Variants in ASPHD2 observed in about 807,000 individuals in gnomAD.
The protein encoded by ASPHD2 is aspartate beta-hydroxylase domain-containing protein 2.
Under a neutral mutation model 34.6 loss-of-function variants are expected in ASPHD2, and 12 were observed. That is an observed-to-expected ratio of 0.35 (90% CI 0.22 to 0.56). The LOEUF is 0.56. Among genes scored for constraint, ASPHD2 ranks in the 20% least tolerant of loss-of-function variants. The pLI is 0.87. For missense variants in ASPHD2, 375 were observed against 505.0 expected (o/e 0.74, Z 2.47); for synonymous variants, 224 against 212.2 (o/e 1.06, Z -0.48).
intron 2 of ASPHD2, 53 bp downstream of exon 2, chr22:26,434,554 CT>C (rs2084779123): frequency 1.3e-6 from 2 of 1,511,312 alleles, no homozygotes; most frequent in African/African-American, 2.8e-5. Flanking sequence ...AGCTCAGCCC[CT>C]CTCCATCAAA....
chr22:26,431,921 C>A (rs1011369130), intron 1 of ASPHD2, among the ~76,000 whole-genome samples: 1 of 152,318 alleles, frequency 6.6e-6, no homozygotes, highest in Non-Finnish European at 1.5e-5. Flanking sequence ...GGCAGCCAGG[C>A]GCAGTGGCTC....
chr22:26,441,226 C>A (rs2084834213), intron 2 of ASPHD2, among the ~76,000 whole-genome samples: 1 of 152,098 alleles, frequency 6.6e-6, no homozygotes, highest in African/African-American at 2.4e-5. Flanking sequence ...CCTGTAATCC[C>A]AACACTTTGG....
chr22:26,441,306 A>G (rs1349146932), intron 2 of ASPHD2, among the ~76,000 whole-genome samples: 3 of 151,980 alleles, frequency 2.0e-5, no homozygotes, highest in African/African-American at 7.3e-5. Flanking sequence ...GCAAGACCCC[A>G]TCTTTACAAA....
intron 2 of ASPHD2, among the ~76,000 whole-genome samples, chr22:26,438,613 A>ATC (rs2084814554): frequency 8.6e-6 from 1 of 115,626 alleles, no homozygotes; most frequent in Non-Finnish European, 1.9e-5. Context: ...ATATACATAT[A>ATC]TATATACACA....
chr22:26,434,248 C>T lies in ASPHD2; in HGVS notation c.633C>T (p.Asn211=), dbSNP rs750493648. ...AGACCCTCTACAAAGCTTTCTCAAACTGCAGCCTCCCGCAAGGATGGAAAA... is the reference window on the plus strand; with the variant it reads ...AGACCCTCTACAAAGCTTTCTCAAATTGCAGCCTCCCGCAAGGATGGAAAA... ...EFETLYKAFS[N]CSLPQGWKMN... The change falls in exon 2 of 4, where the codon AAC becomes AAT. Residue 211 remains asparagine (N), a synonymous_variant. Coordinates refer to ENST00000215906, the MANE Select transcript of ASPHD2 (RefSeq NM_020437.5). 2 of 1,614,218 alleles carry T rather than the reference C, an allele frequency of 1.2e-6. No homozygotes were observed. The highest frequency in any genetic ancestry group is 8.5e-7 in the Non-Finnish European group (1 of 1,180,036).
At chr22:26,435,941 A>C (rs1291655704) in intron 2 of ASPHD2, among the ~76,000 whole-genome samples, 1 of 152,128 alleles carries the variant, frequency 6.6e-6, no homozygotes, top group Non-Finnish European at 1.5e-5. Context: ...GGGAGATGGT[A>C]CTTACTTCAC....
At chr22:26,436,616 G>A (rs1220608914) in intron 2 of ASPHD2, among the ~76,000 whole-genome samples, 1 of 152,200 alleles carries the variant, frequency 6.6e-6, no homozygotes, top group Non-Finnish European at 1.5e-5. Context: ...TTGATGCCAG[G>A]CTTGAGAATG....
At chr22:26,430,629 T>G (rs1040140205) in intron 1 of ASPHD2, among the ~76,000 whole-genome samples, 2 of 152,228 alleles carry the variant, frequency 1.3e-5, no homozygotes, top group Non-Finnish European at 2.9e-5. Flanking sequence ...GATCAAATGT[T>G]TGAAGCAGTG....
intron 1 of ASPHD2, among the ~76,000 whole-genome samples, chr22:26,430,382 G>T (rs1405936468): frequency 1.3e-5 from 2 of 152,228 alleles, no homozygotes; most frequent in Non-Finnish European, 2.9e-5. Context: ...CATGGATTTG[G>T]ACTCAATTCC....
Position 26,433,582 on chromosome 22 carries a change from C to T in ASPHD2, c.-34C>T, listed in dbSNP as rs766547470. ...TCGGTGGCAGCCATGCCTCCCCCTGCCCCAGCCGCTCCTTCCCCCCCACGC... is the reference window on the plus strand; with the variant it reads ...TCGGTGGCAGCCATGCCTCCCCCTGTCCCAGCCGCTCCTTCCCCCCCACGC... On this transcript the variant is annotated 5_prime_UTR_variant, in exon 2 of 4. Coordinates refer to ENST00000215906, the MANE Select transcript of ASPHD2 (RefSeq NM_020437.5). The surrounding 1 kb of genome is among the most constrained non-coding windows in gnomAD (Gnocchi z 5.1). 66 of 1,544,156 alleles carry T rather than the reference C, an allele frequency of 4.3e-5. No homozygotes were observed. The South Asian group carries it at 7.2e-4, about 17-fold the overall frequency.
chr22:26,439,563 A>C (rs1478803405), intron 2 of ASPHD2, among the ~76,000 whole-genome samples: 2 of 152,186 alleles, frequency 1.3e-5, no homozygotes, highest in Non-Finnish European at 2.9e-5. Context: ...ACTTTTTAGC[A>C]GGTCATTTAA....
chr22:26,441,459 C>T, intron 2 of ASPHD2, among the ~76,000 whole-genome samples: 1 of 97,170 alleles, frequency 1.0e-5, no homozygotes, highest in South Asian at 3.5e-4. Context: ...GCCTGGGCAA[C>T]AGAACAAGAC....
chr22:26,432,340 G>T (rs1456608812), intron 1 of ASPHD2, among the ~76,000 whole-genome samples: 1 of 152,200 alleles, frequency 6.6e-6, no homozygotes, highest in Non-Finnish European at 1.5e-5. Context: ...TAAAGGGAGG[G>T]TACAACTTTT....
intron 2 of ASPHD2, 117 bp downstream of exon 2, chr22:26,434,618 T>C (rs1416580589): frequency 1.7e-6 from 2 of 1,211,350 alleles, no homozygotes; most frequent in African/African-American, 3.0e-5. Context: ...TTGTTCACTT[T>C]TAGCAAAAAC....
At chr22:26,437,781 T>C (rs1416812249) in intron 2 of ASPHD2, among the ~76,000 whole-genome samples, 1 of 152,174 alleles carries the variant, frequency 6.6e-6, no homozygotes, top group African/African-American at 2.4e-5. Context: ...TGGGGGCCAC[T>C]GGTGGACACA....
chr22:26,444,891 A>T lies in ASPHD2; in HGVS notation c.*1685A>T, dbSNP rs1461953253. 1 of 152,244 alleles carries T rather than the reference A, an allele frequency of 6.6e-6. No homozygotes were observed. The highest frequency in any genetic ancestry group is 2.4e-5 in the African/African-American group (1 of 41,466). 9.4% of individuals were successfully genotyped at this position (152,244 alleles called of 1,614,324 possible). ...AGAATCACTGAGGTGCATGATTTCT[A>T]CACATCGTGACTGCTCTGCTCTGCG... On this transcript the variant is annotated 3_prime_UTR_variant, in exon 4 of 4. Transcript: ENST00000215906.
Position 26,432,191 on chromosome 22 carries a change from G to A in ASPHD2, c.-224-1201G>A, listed in dbSNP as rs557221630. On this transcript the variant is annotated intron_variant, in intron 1 of 3. Coordinates refer to ENST00000215906, the MANE Select transcript of ASPHD2 (RefSeq NM_020437.5). ...GCCTGGGCGATAAGAGTGAAACTCCGTCTCAAAAGAAAAGAAACAGGCTTA... is the reference window on the plus strand; with the variant it reads ...GCCTGGGCGATAAGAGTGAAACTCCATCTCAAAAGAAAAGAAACAGGCTTA... Among the ~76,000 whole-genome samples, 150 of 152,298 alleles carry A rather than the reference G, an allele frequency of 9.8e-4. 1 individual carries two copies. Among genetic ancestry groups the A allele is most frequent in the Non-Finnish European group, 1.5e-3 (103 of 68,026 alleles).
At chr22:26,436,490 G>T (rs2084793090) in intron 2 of ASPHD2, among the ~76,000 whole-genome samples, 1 of 152,212 alleles carries the variant, frequency 6.6e-6, no homozygotes, top group Admixed American at 6.5e-5. Flanking sequence ...CCAGGGTGGA[G>T]CGAGGGAGCG....
intron 2 of ASPHD2, among the ~76,000 whole-genome samples, chr22:26,441,335 G>A (rs945996998): frequency 6.6e-6 from 1 of 152,010 alleles, no homozygotes. Context: ...TAAATTAGCT[G>A]GGCATGATGG....
Sources: gnomAD v4.1 joint callset for allele counts (sites outside exome capture counted in the v4.1 genomes callset) on GRCh38, gnomAD v4.1.1 for gene constraint, Gnocchi (gnomAD v3.1) non-coding constraint, MANE v1.5 for transcripts, NCBI Gene and HGNC (gene_info 2026-07-23, HGNC 2026-07-21) for gene names.